DDTL: variants seen among roughly 807,000 people sequenced by gnomAD.
The protein encoded by DDTL is D-dopachrome tautomerase like.
A neutral mutation model predicts 1.1 loss-of-function variants in DDTL; 1 was observed. The observed-to-expected ratio is 0.91, with a 90% CI of 0.32 to 4.31. The LOEUF (loss-of-function observed/expected upper bound fraction) is 4.31. DDTL is among the 30% of genes most tolerant of loss of function. The pLI, the probability that DDTL is intolerant of heterozygous loss-of-function variation, is 0.17. For synonymous variants in DDTL, 21 were observed against 16.6 expected, an observed-to-expected ratio of 1.26 and a Z score of -0.64; for missense variants, 54 against 48.9, an observed-to-expected ratio of 1.10 and a Z score of -0.31.
Position 23,971,755 on chromosome 22 carries a change from G to T in DDTL, c.*349G>T. ...AGTCCACCAGGCATTTTGCAAACCT[G>T]CTCATCCCAATAATGATTTTCCCCA... On this transcript the variant is annotated 3_prime_UTR_variant, in exon 3 of 3. Transcript: ENST00000215770. 1 of 755,192 alleles carries T rather than the reference G, an allele frequency of 1.3e-6. No individual in the cohort carries two copies. The highest frequency in any genetic ancestry group is 2.1e-6 in the Non-Finnish European group (1 of 467,998). The allele number at this position is 755,192 out of a possible 1,614,324, so 46.8% of individuals were successfully genotyped here.
intron 2 of DDTL, 113 bp from the exon 3 acceptor site, chr22:23,971,173 C>A: frequency 6.7e-7 from 1 of 1,482,116 alleles, no homozygotes; most frequent in Non-Finnish European, 9.0e-7. Flanking sequence ...AAGGCCCCAG[C>A]TGGACCAGCT....
In DDTL at chr22:23,971,476, G is replaced by C. The variant is rs745969644; in HGVS notation, c.*70G>C. 5.1e-5 allele frequency: 82 copies of C among 1,608,046 alleles called. No homozygotes were observed. Among genetic ancestry groups the C allele is most frequent in the Non-Finnish European group, 6.4e-5 (75 of 1,176,060 alleles). On this transcript the variant is annotated 3_prime_UTR_variant, in exon 3 of 3. Coordinates refer to ENST00000215770, the MANE Select transcript of DDTL (RefSeq NM_001084393.2). ...GATAATCCAAAGCTGGTTATCTCCA[G>C]GCCCTCACTCTGCCAAGAGATCTCT...
chr22:23,970,402 A>G lies in DDTL; in HGVS notation c.285-884A>G, dbSNP rs138445187. ...AGTGTGAATTTGAGTATGTGGGTGGATAAGTGAATTGTGATTTTGTTGGTG... is the reference window on the plus strand; with the variant it reads ...AGTGTGAATTTGAGTATGTGGGTGGGTAAGTGAATTGTGATTTTGTTGGTG... On this transcript the variant is annotated intron_variant, in intron 2 of 2. Transcript: ENST00000215770. 4.4e-4 allele frequency among the ~76,000 whole-genome samples: 67 copies of G among 152,064 alleles called. No individual in the cohort carries two copies. In the East Asian group the frequency reaches 9.5e-3, roughly 21 times the overall value.
intron 2 of DDTL, chr22:23,969,879 T>G (rs1221981739): frequency 9.1e-6 from 9 of 985,484 alleles, no homozygotes; most frequent in Non-Finnish European, 1.1e-5. Flanking sequence ...AAGAATAAAG[T>G]TAAACAGTCA....
At chr22:23,970,360 TGTG>T (rs2033878460) in intron 2 of DDTL, among the ~76,000 whole-genome samples, 2 of 152,066 alleles carry the variant, frequency 1.3e-5, no homozygotes, top group African/African-American at 4.8e-5. Flanking sequence ...TTTAGTGAAT[TGTG>T]TGTAAATGTG....
intron 2 of DDTL, chr22:23,969,881 A>G: frequency 2.0e-6 from 2 of 985,488 alleles, no homozygotes; most frequent in Non-Finnish European, 2.4e-6. Flanking sequence ...GAATAAAGTT[A>G]AACAGTCAGT....
intron 2 of DDTL, 112 bp from the exon 3 acceptor site, chr22:23,971,174 T>A: frequency 6.7e-7 from 1 of 1,483,342 alleles, no homozygotes; most frequent in Non-Finnish European, 9.0e-7. Context: ...AGGCCCCAGC[T>A]GGACCAGCTG....
chr22:23,969,743 C>G (rs2033865125), intron 2 of DDTL: 1 of 984,116 alleles, frequency 1.0e-6, no homozygotes, highest in Non-Finnish European at 1.2e-6. Flanking sequence ...TGTTTAGGCC[C>G]AGGAGGTCGA....
intron 2 of DDTL, chr22:23,969,649 C>T (rs2033863070): frequency 1.1e-6 from 1 of 926,374 alleles, no homozygotes; most frequent in African/African-American, 2.3e-5. Context: ...AGTGCGACCC[C>T]ATCTCTACAA....
At chr22:23,970,491 T>C (rs968636397) in intron 2 of DDTL, among the ~76,000 whole-genome samples, 2 of 151,244 alleles carry the variant, frequency 1.3e-5, no homozygotes, top group Admixed American at 6.6e-5. Context: ...GTGATGACTA[T>C]GAATGTCAGT....
At chr22:23,969,438 A>T (rs549017980) in intron 2 of DDTL, 1 of 986,358 alleles carries the variant, frequency 1.0e-6, no homozygotes, top group Non-Finnish European at 1.2e-6. Flanking sequence ...TGGAGTGTGC[A>T]GCACACACGA....
At chr22:23,969,730 G>C in intron 2 of DDTL, 1 of 982,266 alleles carries the variant, frequency 1.0e-6, no homozygotes, top group Non-Finnish European at 1.2e-6. Flanking sequence ...GAGGCAGAAG[G>C]TTTGTTTAGG....
chr22:23,970,802 C>CA (rs1404756308), intron 2 of DDTL, among the ~76,000 whole-genome samples: 3 of 152,264 alleles, frequency 2.0e-5, no homozygotes, highest in African/African-American at 4.8e-5. Context: ...TTCATCCCCC[C>CA]AGCTGTCCTC....
chr22:23,969,261 G>A, intron 2 of DDTL: 1 of 985,540 alleles, frequency 1.0e-6, no homozygotes, highest in Non-Finnish European at 1.2e-6. Context: ...GAAAACTGCT[G>A]TCACCTCTGA....
At chr22:23,970,458 ATGTG>A (rs912875381) in intron 2 of DDTL, among the ~76,000 whole-genome samples, 7 of 151,176 alleles carry the variant, frequency 4.6e-5, no homozygotes, top group African/African-American at 9.7e-5. Context: ...GACGGGGAGT[ATGTG>A]TGTGTGTGAG....
intron 2 of DDTL, chr22:23,969,679 C>A: frequency 1.0e-6 from 1 of 977,778 alleles, no homozygotes; most frequent in Non-Finnish European, 1.2e-6. Context: ...ATTAGCCCAG[C>A]ATGGTGGCAT....
chr22:23,970,237 CGT>C (rs940216188), intron 2 of DDTL, among the ~76,000 whole-genome samples: 3 of 151,012 alleles, frequency 2.0e-5, no homozygotes, highest in African/African-American at 7.4e-5. Context: ...CTGTGTGGTG[CGT>C]GTGTATGTGT....
In DDTL at chr22:23,970,262, G is replaced by A. The variant is rs549913910; in HGVS notation, c.285-1024G>A. 4.6e-5 allele frequency among the ~76,000 whole-genome samples: 7 copies of A among 152,288 alleles called. No homozygotes were observed. In the South Asian group the frequency reaches 1.5e-3, roughly 32 times the overall value. ...CGTGTGTATGTGTGCGAATGTCAGTGAACTGTGTGTGAGTGAATTGTGTGT... is the reference window on the plus strand; with the variant it reads ...CGTGTGTATGTGTGCGAATGTCAGTAAACTGTGTGTGAGTGAATTGTGTGT... On this transcript the variant is annotated intron_variant, in intron 2 of 2. Transcript: ENST00000215770.
chr22:23,969,840 A>G (rs1165843620), intron 2 of DDTL: 1 of 985,782 alleles, frequency 1.0e-6, no homozygotes, highest in East Asian at 1.1e-4. Context: ...TTTGCTTTCA[A>G]CAGACACTCC....
Sources: gnomAD v4.1 joint callset for allele counts (sites outside exome capture counted in the v4.1 genomes callset) on GRCh38, gnomAD v4.1.1 for gene constraint, MANE v1.5 for transcripts, NCBI Gene and HGNC (gene_info 2026-07-23, HGNC 2026-07-21) for gene names.